The following PPM1E variants were observed in gnomAD, a reference collection of about 807,000 sequenced individuals.
PPM1E encodes the protein protein phosphatase, Mg2+/Mn2+ dependent 1E, also known as protein phosphatase 1E.
Under a neutral mutation model 65.9 loss-of-function variants are expected in PPM1E, and 20 were observed. That is an observed-to-expected ratio of 0.30 (90% CI 0.21 to 0.44). The LOEUF (loss-of-function observed/expected upper bound fraction) is 0.44, where lower values mean the gene tolerates loss of function less well. Among genes scored for constraint, PPM1E ranks in the 20% least tolerant of loss-of-function variants. The probability of loss-of-function intolerance (pLI) is 1.00; values close to 1 mark genes in which losing one functional copy is unlikely to be tolerated. For missense variants in PPM1E, 713 were observed against 953.1 expected (o/e 0.75, Z 3.32); for synonymous variants, 352 against 374.9 (o/e 0.94, Z 0.70).
At chr17:58,792,795 C>T (rs2050169352) in intron 1 of PPM1E, among the ~76,000 whole-genome samples, 1 of 109,602 alleles carries the variant, frequency 9.1e-6, no homozygotes, top group Non-Finnish European at 1.7e-5. Flanking sequence ...CATTCTGTCA[C>T]CAGGCTGGAG....
rs2031657698 is a variant in PPM1E, at chr17:58,984,951, T to C, written c.*3920T>C. On this transcript the variant is annotated 3_prime_UTR_variant, in exon 7 of 7. Transcript: ENST00000308249. ...TTGGTGAGAGACAGGCTTTGTTCTC[T>C]TGTTCATAACATTTCTCTGCAAAGA... is the stretch of plus-strand genomic sequence containing the variant. The C allele has an allele frequency of 6.5e-6, 1 of 152,694 alleles. No homozygotes were observed. 9.5% of individuals were successfully genotyped at this position (152,694 alleles called of 1,614,324 possible).
Position 58,941,865 on chromosome 17 carries a change from C to T in PPM1E, c.465-13784C>T, listed in dbSNP as rs1319861436. On this transcript the variant is annotated intron_variant, in intron 1 of 6. Transcript: ENST00000308249. Reference sequence around the variant, plus strand: ...ACTAAAAATACAAAAATTAGCTGGGCGTGGTGGCAGGCACCTGTAATCCCA... The same window carrying T: ...ACTAAAAATACAAAAATTAGCTGGGTGTGGTGGCAGGCACCTGTAATCCCA... 6.2e-5 allele frequency among the ~76,000 whole-genome samples: 9 copies of T among 144,196 alleles called. No homozygotes were observed. The East Asian group carries it at 6.4e-4, about 10-fold the overall frequency. 94.6% of individuals were successfully genotyped at this position (144,196 alleles called of 152,430 possible).
At chr17:58,805,961 C>CAAAAAAA (rs71367632) in intron 1 of PPM1E, among the ~76,000 whole-genome samples, 3 of 69,838 alleles carry the variant, frequency 4.3e-5, no homozygotes, top group Admixed American at 1.9e-4. Context: ...AAAAAAAAAA[C>CAAAAAAA]AAAAAAAAAA....
chr17:58,981,080 T>TATCA lies in PPM1E; in HGVS notation c.*50_*53dup, dbSNP rs1256921693. 1.5e-6 allele frequency: 2 copies of TATCA among 1,298,796 alleles called. No homozygotes were observed. Among genetic ancestry groups the TATCA allele is most frequent in the Admixed American group, 2.2e-5 (1 of 44,918 alleles). The allele number at this position is 1,298,796 out of a possible 1,614,324, so 80.5% of individuals were successfully genotyped here. On this transcript the variant is annotated 3_prime_UTR_variant, in exon 7 of 7. Transcript: ENST00000308249. ...AGCTCTCCCCCAATAAAAATACCAC[T>TATCA]ATCAGAGTAGAAACAAGGTAGACAT... is the stretch of plus-strand genomic sequence containing the variant.
At chr17:58,783,742 C>T (rs1384739542) in intron 1 of PPM1E, among the ~76,000 whole-genome samples, 8 of 152,132 alleles carry the variant, frequency 5.3e-5, no homozygotes, top group Admixed American at 5.2e-4. Flanking sequence ...GAGTCCCACT[C>T]TGTTACCCAG....
At chr17:58,879,165 CTA>C in intron 1 of PPM1E, among the ~76,000 whole-genome samples, 1 of 151,980 alleles carries the variant, frequency 6.6e-6, no homozygotes, top group African/African-American at 2.4e-5. Context: ...ATCTCATAGT[CTA>C]TGTCACAAAA....
chr17:58,873,285 A>C (rs989760062), intron 1 of PPM1E, among the ~76,000 whole-genome samples: 1 of 152,166 alleles, frequency 6.6e-6, no homozygotes, highest in Non-Finnish European at 1.5e-5. Context: ...TGCACTATTT[A>C]GTTCTGTATT....
chr17:58,980,180 C>T lies in PPM1E; in HGVS notation c.1417C>T (p.Arg473Cys). The T allele has an allele frequency of 6.2e-7, 1 of 1,614,010 alleles. No individual in the cohort carries two copies. The highest frequency in any genetic ancestry group is 1.1e-5 in the South Asian group (1 of 91,060). Residue 473 changes from arginine to cysteine, a missense_variant, in exon 7 of 7, where the codon CGT becomes TGT. Around this residue, in one of 6 missense-constraint regions of PPM1E, gnomAD observed 88 missense variants for 231.1 expected, o/e 0.38. Transcript: ENST00000308249. The surrounding 1 kb of genome is among the most constrained non-coding windows in gnomAD (Gnocchi z 4.7). ...TGCCCACAAATTAGTGGCATCAGCT[C>T]GTGATGCTGGGTCAAGTGATAACAT... Reference protein sequence around the residue: ...MVAHKLVASARDAGSSDNITV... With the variant: ...MVAHKLVASACDAGSSDNITV...
intron 1 of PPM1E, among the ~76,000 whole-genome samples, chr17:58,943,959 G>A (rs1017043485): frequency 2.6e-5 from 4 of 152,106 alleles, no homozygotes; most frequent in Non-Finnish European, 5.9e-5. Flanking sequence ...GGGAATACCC[G>A]TCGTTTCCTA....
intron 6 of PPM1E, among the ~76,000 whole-genome samples, chr17:58,975,612 G>T (rs570432046): frequency 6.6e-6 from 1 of 152,198 alleles, no homozygotes; most frequent in African/African-American, 2.4e-5. Flanking sequence ...ATACACAGGG[G>T]TTTGAAAAGG....
At chr17:58,948,634 A>G (rs1232590686) in intron 1 of PPM1E, among the ~76,000 whole-genome samples, 1 of 152,122 alleles carries the variant, frequency 6.6e-6, no homozygotes, top group Non-Finnish European at 1.5e-5. Context: ...TTTAATTTCA[A>G]TTTTCATACA....
At chr17:58,888,802 A>C (rs1224038427) in intron 1 of PPM1E, among the ~76,000 whole-genome samples, 1 of 152,230 alleles carries the variant, frequency 6.6e-6, no homozygotes, top group African/African-American at 2.4e-5. Context: ...TGGATATTTA[A>C]AATTCATAAT....
At chr17:58,884,133 G>T (rs915612513) in intron 1 of PPM1E, among the ~76,000 whole-genome samples, 9 of 152,140 alleles carry the variant, frequency 5.9e-5, no homozygotes, top group African/African-American at 2.2e-4. Context: ...CTTCTGCCAT[G>T]ATTGAGTTAT....
chr17:58,873,149 TATAG>T (rs1281600458), intron 1 of PPM1E, among the ~76,000 whole-genome samples: 7 of 152,236 alleles, frequency 4.6e-5, no homozygotes, highest in East Asian at 1.9e-4. Context: ...TTCAATGTAG[TATAG>T]ATAAATTTTC....
At position 58,984,118 on chromosome 17, in the gene PPM1E, T is replaced by C. The variant is rs1292848379; in HGVS notation, c.*3087T>C. The C allele has an allele frequency of 1.3e-5, 2 of 152,666 alleles. No individual in the cohort carries two copies. The highest frequency in any genetic ancestry group is 2.1e-4 in the South Asian group (1 of 4,826). The allele number at this position is 152,666 out of a possible 1,614,324, so 9.5% of individuals were successfully genotyped here. ...TTTCTTTACCTAGAAGTGCCATCCA[T>C]TGTCCTTGAATTATTATGATTAAAG... is the stretch of plus-strand genomic sequence containing the variant. On this transcript the variant is annotated 3_prime_UTR_variant, in exon 7 of 7. Transcript: ENST00000308249.
intron 1 of PPM1E, among the ~76,000 whole-genome samples, chr17:58,836,520 A>G (rs2050658169): frequency 6.6e-6 from 1 of 150,416 alleles, no homozygotes; most frequent in South Asian, 2.1e-4. Context: ...CTGGGAGTGC[A>G]GTGGTGCAAT....
intron 1 of PPM1E, among the ~76,000 whole-genome samples, chr17:58,953,279 C>T (rs2052265847): frequency 6.6e-6 from 1 of 152,198 alleles, no homozygotes; most frequent in Admixed American, 6.5e-5. Flanking sequence ...ATTTGGCTCA[C>T]AGTTCTGCAG....
chr17:58,828,625 A>T (rs1309877464), intron 1 of PPM1E, among the ~76,000 whole-genome samples: 3 of 151,626 alleles, frequency 2.0e-5, no homozygotes, highest in Non-Finnish European at 4.4e-5. Flanking sequence ...CCACTACGCC[A>T]GGCTAATTTT....
chr17:58,822,059 G>A (rs1488505054), intron 1 of PPM1E, among the ~76,000 whole-genome samples: 2 of 152,166 alleles, frequency 1.3e-5, no homozygotes, highest in Non-Finnish European at 2.9e-5. Context: ...GTGGGAGCTG[G>A]CAGCTTCAGG....
Sources: gnomAD v4.1 joint callset for allele counts (sites outside exome capture counted in the v4.1 genomes callset) on GRCh38, gnomAD v4.1.1 for gene constraint, gnomAD v4.1.1 regional missense constraint, Gnocchi (gnomAD v3.1) non-coding constraint, MANE v1.5 for transcripts, NCBI Gene and HGNC (gene_info 2026-07-23, HGNC 2026-07-21) for gene names.